ATXN1: variants seen among roughly 807,000 people sequenced by gnomAD.
ATXN1 encodes the protein ataxin 1.
In ATXN1, 8 loss-of-function variants were observed where a neutral mutation model predicts 56.4. The ratio of observed to expected loss-of-function variants is 0.14; its 90% CI spans 0.08 to 0.26. The LOEUF (loss-of-function observed/expected upper bound fraction) is 0.26. Among genes scored for constraint, ATXN1 ranks in the 10% least tolerant of loss-of-function variants. The probability of loss-of-function intolerance (pLI) is 1.00; values close to 1 mark genes in which losing one functional copy is unlikely to be tolerated. For missense variants in ATXN1, 987 were observed against 1,106.5 expected, an observed-to-expected ratio of 0.89 and a Z score of 1.53; for synonymous variants, 514 against 494.6, an observed-to-expected ratio of 1.04 and a Z score of -0.52.
At chr6:16,665,068 G>A (rs1338743402) in intron 2 of ATXN1, among the ~76,000 whole-genome samples, 1 of 152,132 alleles carries the variant, frequency 6.6e-6, no homozygotes, top group African/African-American at 2.4e-5. Context: ...ATTCTCTTCT[G>A]TGCCTCTGAA....
chr6:16,525,173 ATACTCAAAAGAAAGGAAATCAGTATAT>A (rs1383821517), intron 4 of ATXN1, among the ~76,000 whole-genome samples: 2 of 152,250 alleles, frequency 1.3e-5, no homozygotes, highest in Non-Finnish European at 2.9e-5. Context: ...GACTGGGTAT[ATACTCAAAAGAAAGGAAATCAGTATAT>A]TGAGGAAAAA....
At chr6:16,514,177 G>A (rs16878314) in intron 5 of ATXN1, among the ~76,000 whole-genome samples, 16,663 of 151,980 alleles carry the variant, frequency 0.11, 1,094 homozygotes, top group Middle Eastern at 0.15. Context: ...GCCTCCTCTC[G>A]CCCATCAAAC....
chr6:16,302,518 C>CA lies in ATXN1; in HGVS notation c.*3810dup, dbSNP rs1180694042. On this transcript the variant is annotated 3_prime_UTR_variant, in exon 8 of 8. Coordinates refer to ENST00000436367, the MANE Select transcript of ATXN1 (RefSeq NM_001128164.2). ...TAAAAGATCTGAGGTAAGTGGCATCCATCTCTGTATCCCTCCCTCCCCCCT... is the reference window on the plus strand; with the variant it reads ...TAAAAGATCTGAGGTAAGTGGCATCCAATCTCTGTATCCCTCCCTCCCCCCT... The CA allele has an allele frequency of 2.0e-5, 3 of 152,534 alleles. No homozygotes were observed. The highest frequency in any genetic ancestry group is 4.4e-5 in the Non-Finnish European group (3 of 68,020). The allele number at this position is 152,534 out of a possible 1,614,324, so 9.4% of individuals were successfully genotyped here.
At chr6:16,487,530 T>C (rs1760573430) in intron 5 of ATXN1, among the ~76,000 whole-genome samples, 1 of 152,200 alleles carries the variant, frequency 6.6e-6, no homozygotes, top group Non-Finnish European at 1.5e-5. Context: ...ACTTTCATAA[T>C]GAATACAGTT....
At chr6:16,707,626 G>C (rs745606351) in intron 2 of ATXN1, among the ~76,000 whole-genome samples, 55 of 152,196 alleles carry the variant, frequency 3.6e-4, no homozygotes, top group Admixed American at 6.5e-4. Context: ...ATGCAGCTGA[G>C]AGTTATTTTC....
chr6:16,608,830 T>C (rs890820575), intron 3 of ATXN1, among the ~76,000 whole-genome samples: 3 of 152,236 alleles, frequency 2.0e-5, no homozygotes, highest in African/African-American at 7.2e-5. Flanking sequence ...CATTACTTGG[T>C]GTGCTAAGTG....
intron 3 of ATXN1, among the ~76,000 whole-genome samples, chr6:16,613,417 T>C (rs1210660008): frequency 6.6e-6 from 1 of 151,894 alleles, no homozygotes; most frequent in Non-Finnish European, 1.5e-5. Flanking sequence ...TGCTAGCTAA[T>C]CTTAAGTTTC....
intron 6 of ATXN1, among the ~76,000 whole-genome samples, chr6:16,370,081 C>A (rs567792083): frequency 2.0e-5 from 3 of 152,246 alleles, no homozygotes; most frequent in Non-Finnish European, 4.4e-5. Flanking sequence ...AAAGCCCCTT[C>A]ACACACATTA....
In ATXN1 at chr6:16,306,788, C is replaced by T. The variant is rs1403649483; in HGVS notation, c.1989G>A (p.Glu663=). The change falls in exon 8 of 8, where the codon GAG becomes GAA. Residue 663 remains glutamate (E), a synonymous_variant. Coordinates refer to ENST00000436367, the MANE Select transcript of ATXN1 (RefSeq NM_001128164.2). This position sits in a 1 kb window ranked among gnomAD's most constrained non-coding sequence, Gnocchi z 5.2. ...GCAAATCAAAGAGCTGGCTGGTTCT[C>T]TCCGGACAGCAGGATGACCAGCCCT... The part of the protein sequence containing the change: ...FGQGWSSCCP[E]RTSQLFDLPC... 9 of 1,613,972 alleles carry T rather than the reference C, an allele frequency of 5.6e-6. 1 individual carries two copies. The South Asian group carries it at 9.9e-5, about 18-fold the overall frequency.
rs1486609818 is a variant in ATXN1, at chr6:16,326,231, G to A, written c.1917+163C>T. ...ACAGCAGAGATCACGGGGAAATGGG[G>A]CTTATTTTTTCTAGAGAACGCAGTT... On this transcript the variant is annotated intron_variant, in intron 7 of 7. Coordinates refer to ENST00000436367, the MANE Select transcript of ATXN1 (RefSeq NM_001128164.2). The surrounding 1 kb of genome is among the most constrained non-coding windows in gnomAD (Gnocchi z 6.6). Among the ~76,000 whole-genome samples the A allele has an allele frequency of 5.9e-5, 9 of 152,140 alleles. No homozygotes were observed. The highest frequency in any genetic ancestry group is 7.3e-5 in the Non-Finnish European group (5 of 68,030).
chr6:16,496,941 T>C (rs1760791779), intron 5 of ATXN1, among the ~76,000 whole-genome samples: 2 of 152,326 alleles, frequency 1.3e-5, no homozygotes, highest in Non-Finnish European at 2.9e-5. Context: ...CCTAGTATCA[T>C]GGCTCAGGGG....
chr6:16,411,525 C>T (rs1758800849), intron 6 of ATXN1, among the ~76,000 whole-genome samples: 1 of 151,926 alleles, frequency 6.6e-6, no homozygotes, highest in Non-Finnish European at 1.5e-5. Flanking sequence ...GGCATTTTGC[C>T]CTGGCATAGT....
chr6:16,594,749 G>A (rs954118587), intron 3 of ATXN1, among the ~76,000 whole-genome samples: 2 of 152,098 alleles, frequency 1.3e-5, no homozygotes, highest in African/African-American at 4.8e-5. Context: ...CCAAAGTGCT[G>A]GGATTACAGG....
intron 6 of ATXN1, among the ~76,000 whole-genome samples, chr6:16,338,125 T>G (rs950005558): frequency 6.6e-6 from 1 of 152,176 alleles, no homozygotes; most frequent in Non-Finnish European, 1.5e-5. Flanking sequence ...GTAGTTAGAG[T>G]GGGCTACGCC....
At chr6:16,450,023 T>C (rs369127264) in intron 6 of ATXN1, among the ~76,000 whole-genome samples, 3 of 152,264 alleles carry the variant, frequency 2.0e-5, no homozygotes, top group African/African-American at 7.2e-5. Flanking sequence ...ACATACATTA[T>C]GCTAACAAAA....
chr6:16,331,476 C>G (rs1561855288), intron 6 of ATXN1, among the ~76,000 whole-genome samples: 1 of 152,216 alleles, frequency 6.6e-6, no homozygotes, highest in African/African-American at 2.4e-5. Context: ...TGCGTGAGAC[C>G]TACTCAGAGA....
At chr6:16,604,068 T>C (rs1762958083) in intron 3 of ATXN1, among the ~76,000 whole-genome samples, 1 of 152,146 alleles carries the variant, frequency 6.6e-6, no homozygotes, top group South Asian at 2.1e-4. Flanking sequence ...GGTCTCCTTA[T>C]CTTGTCCTCT....
chr6:16,539,400 G>A (rs1032178445), intron 4 of ATXN1, among the ~76,000 whole-genome samples: 3 of 152,086 alleles, frequency 2.0e-5, no homozygotes, highest in Admixed American at 6.6e-5. Context: ...TCACACTGAC[G>A]ATATTATACA....
At chr6:16,444,285 G>A (rs1759589891) in intron 6 of ATXN1, among the ~76,000 whole-genome samples, 1 of 152,120 alleles carries the variant, frequency 6.6e-6, no homozygotes, top group East Asian at 1.9e-4. Flanking sequence ...CTCACTGAAA[G>A]AAACCAGGTC....
Sources: allele counts gnomAD v4.1 joint callset (sites outside exome capture counted in the v4.1 genomes callset), GRCh38; gene constraint gnomAD v4.1.1; non-coding constraint Gnocchi (gnomAD v3.1); transcripts MANE v1.5; gene names NCBI Gene and HGNC (gene_info 2026-07-23, HGNC 2026-07-21).